Variants in PEX7 observed in about 807,000 individuals in gnomAD.
The protein encoded by PEX7 is peroxisomal biogenesis factor 7.
A neutral mutation model predicts 47.5 loss-of-function variants in PEX7; 34 were observed. The ratio of observed to expected loss-of-function variants is 0.72; its 90% confidence interval spans 0.54 to 0.95. PEX7 has a LOEUF of 0.95. PEX7 is among the 40% of genes least tolerant of loss of function. PEX7 has a pLI of 0.00. For missense variants in PEX7, 394 were observed against 400.3 expected, an observed-to-expected ratio of 0.98 and a Z score of 0.13; for synonymous variants, 141 against 148.8, an observed-to-expected ratio of 0.95 and a Z score of 0.38.
At chr6:136,883,939 A>C (rs1255244518) in intron 8 of PEX7, among the ~76,000 whole-genome samples, 2 of 152,188 alleles carry the variant, frequency 1.3e-5, no homozygotes, top group Non-Finnish European at 2.9e-5. Context: ...TTTTAGAAAT[A>C]TAATTTTAAT....
At chr6:136,898,826 G>A (rs911310393) in intron 9 of PEX7, among the ~76,000 whole-genome samples, 28 of 151,520 alleles carry the variant, frequency 1.8e-4, no homozygotes, top group African/African-American at 6.1e-4. Flanking sequence ...TTTTAAAAAA[G>A]CCTTTTCATT....
At chr6:136,912,546 T>A (rs1000496119) in intron 9 of PEX7, among the ~76,000 whole-genome samples, 4 of 152,338 alleles carry the variant, frequency 2.6e-5, no homozygotes, top group South Asian at 2.1e-4. Flanking sequence ...GTGTGGGGCC[T>A]ATTTCTGAAC....
intron 8 of PEX7, among the ~76,000 whole-genome samples, chr6:136,876,010 T>C (rs565383559): frequency 6.6e-6 from 1 of 151,514 alleles, no homozygotes; most frequent in African/African-American, 2.4e-5. Flanking sequence ...ACCTTTTTTT[T>C]TGTTTTATCA....
intron 8 of PEX7, among the ~76,000 whole-genome samples, chr6:136,891,056 G>A (rs1486649989): frequency 2.0e-5 from 3 of 152,212 alleles, no homozygotes; most frequent in South Asian, 2.1e-4. Context: ...TACACAAACC[G>A]CATAGGAGTT....
intron 9 of PEX7, among the ~76,000 whole-genome samples, chr6:136,909,341 A>G (rs1364660467): frequency 6.6e-6 from 1 of 152,166 alleles, no homozygotes; most frequent in Non-Finnish European, 1.5e-5. Context: ...ATATCCTTCA[A>G]ATCCCATAAA....
At chr6:136,862,043 TTA>T (rs905312169) in intron 5 of PEX7, among the ~76,000 whole-genome samples, 36 of 130,708 alleles carry the variant, frequency 2.8e-4, no homozygotes, top group Admixed American at 4.6e-4. Context: ...TTTATATATA[TTA>T]TATATATATA....
intron 5 of PEX7, among the ~76,000 whole-genome samples, chr6:136,856,291 TAAAAAAAAAAAAAA>T (rs397759780): frequency 1.4e-5 from 1 of 70,596 alleles, no homozygotes. Context: ...TGGTTGAAAG[TAAAAAAAAAAAAAA>T]AAAAAAAAAA....
At chr6:136,837,105 A>G (rs1373885387) in intron 3 of PEX7, among the ~76,000 whole-genome samples, 1 of 152,160 alleles carries the variant, frequency 6.6e-6, no homozygotes, top group Non-Finnish European at 1.5e-5. Context: ...TTACGCCTGT[A>G]ATCCCAGCAC....
intron 3 of PEX7, among the ~76,000 whole-genome samples, chr6:136,839,993 G>A (rs1449081641): frequency 2.0e-5 from 3 of 152,114 alleles, no homozygotes. Context: ...GGTCTAAAGG[G>A]GAAGTTGGAA....
intron 5 of PEX7, among the ~76,000 whole-genome samples, chr6:136,849,766 C>A (rs1210196152): frequency 6.6e-6 from 1 of 152,136 alleles, no homozygotes. Context: ...GAGTGCTTTG[C>A]TTCCAAGTAT....
chr6:136,841,089 C>T (rs1009904288), intron 3 of PEX7, among the ~76,000 whole-genome samples: 1 of 152,054 alleles, frequency 6.6e-6, no homozygotes, highest in Non-Finnish European at 1.5e-5. Context: ...ACCTCCTTTC[C>T]CCCCGTGCCT....
At chr6:136,882,491 C>T (rs959712597) in intron 8 of PEX7, among the ~76,000 whole-genome samples, 2 of 151,910 alleles carry the variant, frequency 1.3e-5, no homozygotes, top group African/African-American at 2.4e-5. Flanking sequence ...TGCCTCTCTT[C>T]TAAAGCCATC....
rs181933541 is a variant in PEX7 at position 136,857,806 on chromosome 6, A to C, written c.527-8821A>C. The stretch of plus-strand genomic sequence containing the variant: ...GCTTAGTTAGAACAGTGACTGGCAG[A>C]GTAAAAGCTCTGTGAGCATTACCTC... On this transcript the variant is annotated intron_variant, in intron 5 of 9. Coordinates refer to ENST00000318471, the MANE Select transcript of PEX7 (RefSeq NM_000288.4). Among the ~76,000 whole-genome samples, 3 of 152,316 alleles carry C rather than the reference A, an allele frequency of 2.0e-5. No individual in the cohort carries two copies. The East Asian group carries it at 5.8e-4, about 29-fold the overall frequency.
At chr6:136,845,752 T>C in intron 4 of PEX7, 60 bp downstream of exon 4, 1 of 1,024,534 alleles carries the variant, frequency 9.8e-7, no homozygotes, top group Non-Finnish European at 1.6e-6. Context: ...TTCCACTAAA[T>C]TTTCTTCTCT....
chr6:136,898,042 T>C (rs1775682536), intron 8 of PEX7, 100 bp from the exon 9 acceptor site: 7 of 750,944 alleles, frequency 9.3e-6, no homozygotes, highest in Middle Eastern at 2.7e-4. Flanking sequence ...CTGAGCCTGT[T>C]TGGATAAAAT....
intron 5 of PEX7, among the ~76,000 whole-genome samples, chr6:136,848,887 C>T (rs1413503106): frequency 2.0e-5 from 3 of 152,040 alleles, no homozygotes; most frequent in Admixed American, 1.3e-4. Flanking sequence ...AGGAGGATTC[C>T]GTCTTGTTCT....
At chr6:136,889,507 T>G (rs1226864629) in intron 8 of PEX7, among the ~76,000 whole-genome samples, 1 of 152,230 alleles carries the variant, frequency 6.6e-6, no homozygotes, top group Non-Finnish European at 1.5e-5. Context: ...CTTAATGCAG[T>G]ATAAGTCATT....
chr6:136,866,822 G>T (rs117851001), intron 6 of PEX7, 89 bp downstream of exon 6: 1 of 1,133,710 alleles, frequency 8.8e-7, no homozygotes, highest in Non-Finnish European at 1.3e-6. Flanking sequence ...GTGGACTTTG[G>T]TGGTGTTCCT....
At chr6:136,868,807 T>G (rs1775120419) in intron 6 of PEX7, among the ~76,000 whole-genome samples, 1 of 151,908 alleles carries the variant, frequency 6.6e-6, no homozygotes, top group African/African-American at 2.4e-5. Flanking sequence ...GACCCAGCAC[T>G]TGTCCTATTC....
Sources: allele counts gnomAD v4.1 joint callset (sites outside exome capture counted in the v4.1 genomes callset), GRCh38; gene constraint gnomAD v4.1.1; transcripts MANE v1.5; gene names NCBI Gene and HGNC (gene_info 2026-07-23, HGNC 2026-07-21).